Variants in MALRD1 observed in about 807,000 individuals in gnomAD.
The protein encoded by MALRD1 is MAM and LDL receptor class A domain containing 1, also known as MAM and LDL-receptor class A domain-containing protein 1.
MALRD1 carries 247 observed loss-of-function variants against 242.1 expected under a neutral mutation model. The observed-to-expected ratio is 1.02, with a 90% CI of 0.92 to 1.13. The LOEUF (loss-of-function observed/expected upper bound fraction) is 1.13, where lower values mean the gene tolerates loss of function less well. Ranked by LOEUF, MALRD1 falls within the 50% of genes most tolerant of loss-of-function variation. The pLI is 0.00. For synonymous variants in MALRD1, 995 were observed against 866.6 expected (o/e 1.15, Z -2.60); for missense variants, 2,989 against 2,533.1 (o/e 1.18, Z -3.86).
intron 18 of MALRD1, among the ~76,000 whole-genome samples, chr10:19,220,766 T>C (rs1231581310): frequency 6.6e-6 from 1 of 151,836 alleles, no homozygotes; most frequent in Admixed American, 6.6e-5. Context: ...TTGGTAGGAC[T>C]TAGTTCCTTG....
At position 19,257,701 on chromosome 10, in the gene MALRD1, A is replaced by G. The variant is rs776487527; in HGVS notation, c.3009A>G (p.Ser1003=). 2 of 1,538,864 alleles carry G rather than the reference A, an allele frequency of 1.3e-6. No homozygotes were observed. Among genetic ancestry groups the G allele is most frequent in the East Asian group, 2.5e-5 (1 of 40,520 alleles). ...TTTTTTAGATATTGGTGGAGGCTTC[A>G]GTGGGAGATGGCTTCACTGGAGATA... is the stretch of plus-strand genomic sequence containing the variant. ...RQPFQILVEA[S]VGDGFTGDIA... Residue 1003 remains serine (S), a synonymous_variant, in exon 19 of 40, where the codon TCA becomes TCG. Coordinates refer to ENST00000454679, the MANE Select transcript of MALRD1 (RefSeq NM_001142308.3).
At chr10:19,336,321 C>A (rs947144878) in intron 24 of MALRD1, among the ~76,000 whole-genome samples, 1 of 152,062 alleles carries the variant, frequency 6.6e-6, no homozygotes, top group Admixed American at 6.6e-5. Context: ...GGATGAGACA[C>A]AATTCAGAGT....
At chr10:19,686,393 C>G (rs1842582571) in intron 36 of MALRD1, among the ~76,000 whole-genome samples, 2 of 152,134 alleles carry the variant, frequency 1.3e-5, no homozygotes. Flanking sequence ...CAGTTGTGCG[C>G]ATGCTCACTC....
chr10:19,706,222 A>C (rs188522671), intron 38 of MALRD1, among the ~76,000 whole-genome samples: 144 of 152,334 alleles, frequency 9.5e-4, no homozygotes, highest in Non-Finnish European at 1.6e-3. Context: ...AGACTCTGGG[A>C]AGGGAAACAG....
intron 36 of MALRD1, 136 bp from the exon 37 acceptor site, chr10:19,692,146 G>C: frequency 1.6e-6 from 1 of 617,958 alleles, no homozygotes; most frequent in Non-Finnish European, 2.6e-6. Flanking sequence ...TAAAGTTTTT[G>C]GTTTTTTATC....
chr10:19,560,222 A>G (rs7893916), intron 32 of MALRD1, among the ~76,000 whole-genome samples: 12,613 of 152,230 alleles, frequency 0.083, 1,523 homozygotes, highest in African/African-American at 0.27. Flanking sequence ...TAATCCCAGC[A>G]CTTTGGGAGG....
chr10:19,575,000 T>C (rs1836737568), intron 33 of MALRD1, among the ~76,000 whole-genome samples: 1 of 152,196 alleles, frequency 6.6e-6, no homozygotes, highest in African/African-American at 2.4e-5. Flanking sequence ...TTGAGTTGGA[T>C]TGGAAAGACA....
At chr10:19,453,698 A>G (rs1316213442) in intron 29 of MALRD1, among the ~76,000 whole-genome samples, 1 of 151,914 alleles carries the variant, frequency 6.6e-6, no homozygotes, top group African/African-American at 2.4e-5. Context: ...CAACATGGTG[A>G]AACTCCAACT....
intron 32 of MALRD1, among the ~76,000 whole-genome samples, chr10:19,547,721 A>T (rs1007062588): frequency 1.5e-5 from 2 of 136,722 alleles, no homozygotes; most frequent in African/African-American, 2.7e-5. Flanking sequence ...CTAATAACAG[A>T]TCTATCAGGG....
At chr10:19,331,334 T>C (rs1490957630) in intron 23 of MALRD1, 35 bp from the exon 24 acceptor site, 5 of 1,505,396 alleles carry the variant, frequency 3.3e-6, no homozygotes, top group Admixed American at 2.0e-5. Context: ...AACTTCTTGA[T>C]TGACAGTTTA....
At chr10:19,299,666 T>G (rs1290975907) in intron 21 of MALRD1, among the ~76,000 whole-genome samples, 2 of 151,972 alleles carry the variant, frequency 1.3e-5, no homozygotes, top group Non-Finnish European at 2.9e-5. Context: ...TTCCATAAAA[T>G]TCAACATCTC....
intron 28 of MALRD1, among the ~76,000 whole-genome samples, chr10:19,420,119 T>C (rs1833663595): frequency 6.6e-6 from 1 of 152,182 alleles, no homozygotes; most frequent in Non-Finnish European, 1.5e-5. Flanking sequence ...GAAGGGGTTC[T>C]TATGCCTGAC....
At chr10:19,613,968 T>A (rs1366093055) in intron 35 of MALRD1, among the ~76,000 whole-genome samples, 4 of 152,046 alleles carry the variant, frequency 2.6e-5, no homozygotes, top group Non-Finnish European at 5.9e-5. Flanking sequence ...TTCTTGGTGT[T>A]CCCATCACCC....
At chr10:19,699,041 G>A (rs1020840495) in intron 38 of MALRD1, among the ~76,000 whole-genome samples, 1 of 152,112 alleles carries the variant, frequency 6.6e-6, no homozygotes, top group Non-Finnish European at 1.5e-5. Context: ...GGGCCTGTTG[G>A]GGGGTGAGGG....
intron 29 of MALRD1, chr10:19,488,835 A>T (rs1448929403): frequency 2.9e-6 from 1 of 348,294 alleles, no homozygotes; most frequent in Non-Finnish European, 5.7e-6. Context: ...CATGCAAAGA[A>T]GTCAAATGTC....
chr10:19,228,190 A>G (rs1320311989), intron 18 of MALRD1, among the ~76,000 whole-genome samples: 1 of 152,216 alleles, frequency 6.6e-6, no homozygotes, highest in Non-Finnish European at 1.5e-5. Context: ...TGGATAAACC[A>G]GTTGTATATG....
rs16918282 is a variant in MALRD1 at position 19,137,734 on chromosome 10, G to C, written c.1411+953G>C. 8.6e-3 allele frequency among the ~76,000 whole-genome samples: 1,306 copies of C among 151,760 alleles called. 21 individuals carry two copies. Among genetic ancestry groups the C allele is most frequent in the African/African-American group, 0.03 (1,226 of 41,372 alleles). ...GTCTTTGATAGAAGTGATGACAAGAGATCCCATTACTATTCAAGCATAGTC... is the reference window on the plus strand; with the variant it reads ...GTCTTTGATAGAAGTGATGACAAGACATCCCATTACTATTCAAGCATAGTC... On this transcript the variant is annotated intron_variant, in intron 10 of 39. Transcript: ENST00000454679.
At chr10:19,250,640 C>T (rs1430932189) in intron 18 of MALRD1, among the ~76,000 whole-genome samples, 2 of 151,836 alleles carry the variant, frequency 1.3e-5, no homozygotes, top group African/African-American at 4.8e-5. Flanking sequence ...CATCTAAAAA[C>T]ATACAGAGGA....
chr10:19,404,835 A>G (rs1344422531), intron 28 of MALRD1, among the ~76,000 whole-genome samples: 1 of 152,194 alleles, frequency 6.6e-6, no homozygotes, highest in Non-Finnish European at 1.5e-5. Context: ...CATTATACAT[A>G]ACAGAGTACT....
Sources: gnomAD v4.1 joint callset for allele counts (sites outside exome capture counted in the v4.1 genomes callset) on GRCh38, gnomAD v4.1.1 for gene constraint, MANE v1.5 for transcripts, NCBI Gene and HGNC (gene_info 2026-07-23, HGNC 2026-07-21) for gene names.